The following INTS2 variants were observed in gnomAD, a reference collection of about 807,000 sequenced individuals.
INTS2 encodes KIAA1287.
INTS2 carries 57 observed loss-of-function variants against 139.6 expected under a neutral mutation model. The ratio of observed to expected loss-of-function variants is 0.41; its 90% CI spans 0.33 to 0.51. INTS2 has a LOEUF of 0.51. Among genes scored for constraint, INTS2 ranks in the 20% least tolerant of loss-of-function variants. The pLI is 0.28. For synonymous variants in INTS2, 473 were observed against 493.4 expected (o/e 0.96, Z 0.55); for missense variants, 1,196 against 1,436.7 (o/e 0.83, Z 2.71).
Position 61,893,961 on chromosome 17 carries a change from G to C in INTS2, c.1564-62C>G, listed in dbSNP as rs2079321956. ...CTAAATATAAAATTATTTTGAAAGAGAGATTAGTAAGTAGACTGTCAACAC... is the reference window on the plus strand; with the variant it reads ...CTAAATATAAAATTATTTTGAAAGACAGATTAGTAAGTAGACTGTCAACAC... On this transcript the variant is annotated intron_variant, in intron 12 of 24. Coordinates refer to ENST00000251334, the MANE Select transcript of INTS2 (RefSeq NM_001351695.2). The surrounding 1 kb of genome is among the most constrained non-coding windows in gnomAD (Gnocchi z 5.4). 1 of 1,188,958 alleles carries C rather than the reference G, an allele frequency of 8.4e-7. No homozygotes were observed. Among genetic ancestry groups the C allele is most frequent in the Admixed American group, 2.3e-5 (1 of 43,442 alleles). 73.7% of individuals were successfully genotyped at this position (1,188,958 alleles called of 1,614,324 possible). A position where few individuals can be genotyped will look rare whatever the true frequency, so the allele number is the denominator to read the frequency against.
chr17:61,894,306 A>C (rs1298637297), intron 12 of INTS2: 1 of 153,226 alleles, frequency 6.5e-6, no homozygotes, highest in Admixed American at 6.5e-5. Context: ...AAAACATCAT[A>C]TGAACTATAA....
intron 5 of INTS2, among the ~76,000 whole-genome samples, chr17:61,915,477 G>C (rs1008939383): frequency 6.6e-6 from 1 of 151,072 alleles, no homozygotes; most frequent in African/African-American, 2.4e-5. Flanking sequence ...AGTGCGCCGA[G>C]ATTGCGCCAC....
chr17:61,924,004 G>A (rs1201104567), intron 3 of INTS2, among the ~76,000 whole-genome samples: 1 of 152,110 alleles, frequency 6.6e-6, no homozygotes, highest in Non-Finnish European at 1.5e-5. Flanking sequence ...TTTAAATTCA[G>A]AGTTTCAATT....
intron 9 of INTS2, among the ~76,000 whole-genome samples, chr17:61,900,437 C>T (rs533096048): frequency 3.9e-5 from 6 of 152,266 alleles, no homozygotes; most frequent in Admixed American, 6.5e-5. Flanking sequence ...CCAGGTATAT[C>T]TGGAGCACCA....
chr17:61,907,468 A>G lies in INTS2; in HGVS notation c.1121T>C (p.Val374Ala). The G allele has an allele frequency of 6.2e-7, 1 of 1,603,456 alleles. No individual in the cohort carries two copies. The highest frequency in any genetic ancestry group is 1.3e-5 in the African/African-American group (1 of 74,910). Reference sequence around the variant, plus strand: ...ACGTAAGAGTGCACTGGCTTTCACAACATGCTCTTCTTTCAGCCCCGAATA... The same window carrying G: ...ACGTAAGAGTGCACTGGCTTTCACAGCATGCTCTTCTTTCAGCCCCGAATA... ...SVYSGLKEEH[V>A]VKASALLRLY... The change falls in exon 8 of 25, where the codon GTT becomes GCT. Residue 374 changes from valine to alanine, a missense_variant. Physicochemically the swap from Val to Ala is moderately conservative, Grantham distance 64. Coordinates refer to ENST00000251334, the MANE Select transcript of INTS2 (RefSeq NM_001351695.2).
rs1005339910 is a variant in INTS2 at position 61,870,087 on chromosome 17, A to G, written c.2779-99T>C. 1.9e-5 allele frequency: 22 copies of G among 1,167,148 alleles called. No homozygotes were observed. The highest frequency in any genetic ancestry group is 8.0e-5 in the Admixed American group (3 of 37,634). 72.3% of individuals were successfully genotyped at this position (1,167,148 alleles called of 1,614,324 possible). On this transcript the variant is annotated intron_variant, in intron 20 of 24. Coordinates refer to ENST00000251334, the MANE Select transcript of INTS2 (RefSeq NM_001351695.2). This position sits in a 1 kb window ranked among gnomAD's most constrained non-coding sequence, Gnocchi z 4.4. ...CATGAACAGATATGATAAAATAACT[A>G]ATTTCTTAAACACACATACACAAAG...
chr17:61,883,064 T>G (rs2079191746), intron 16 of INTS2, among the ~76,000 whole-genome samples: 1 of 152,168 alleles, frequency 6.6e-6, no homozygotes, highest in South Asian at 2.1e-4. Flanking sequence ...AACTTCTAAA[T>G]GCATACAGGA....
intron 3 of INTS2, 67 bp downstream of exon 3, chr17:61,924,894 C>G (rs2079692842): frequency 6.7e-7 from 1 of 1,486,694 alleles, no homozygotes; most frequent in Admixed American, 2.0e-5. Context: ...GTCTCTTTTT[C>G]TGTCTACCTC....
chr17:61,889,670 A>G (rs1208638350), intron 15 of INTS2, 116 bp downstream of exon 15: 1 of 579,092 alleles, frequency 1.7e-6, no homozygotes, highest in African/African-American at 1.9e-5. Context: ...AAGATTATAA[A>G]ATGATACTAG....
At chr17:61,896,289 A>G (rs2079348865) in intron 11 of INTS2, among the ~76,000 whole-genome samples, 1 of 151,790 alleles carries the variant, frequency 6.6e-6, no homozygotes, top group South Asian at 2.1e-4. Flanking sequence ...TAAAAATAAT[A>G]ATGATAATAA....
At position 61,909,489 on chromosome 17, in the gene INTS2, T is replaced by C. The variant is rs1371000196; in HGVS notation, c.955-1855A>G. 6.6e-6 allele frequency among the ~76,000 whole-genome samples: 1 copy of C among 152,152 alleles called. No individual in the cohort carries two copies. Among genetic ancestry groups the C allele is most frequent in the Admixed American group, 6.5e-5 (1 of 15,270 alleles). Reference sequence around the variant, plus strand: ...TCTATTGCATAGAAGTCTGGGCTGTTGGTGTAGTCATCACCCTGATAGTAT... The same window carrying C: ...TCTATTGCATAGAAGTCTGGGCTGTCGGTGTAGTCATCACCCTGATAGTAT... On this transcript the variant is annotated intron_variant, in intron 7 of 24. Coordinates refer to ENST00000251334, the MANE Select transcript of INTS2 (RefSeq NM_001351695.2). The surrounding 1 kb of genome is among the most constrained non-coding windows in gnomAD (Gnocchi z 4.9).
chr17:61,883,644 C>T (rs1457367797), intron 16 of INTS2, among the ~76,000 whole-genome samples: 5 of 150,676 alleles, frequency 3.3e-5, no homozygotes, highest in East Asian at 3.9e-4. Flanking sequence ...CCCAGCTACT[C>T]GGGAGGCTGA....
At position 61,870,203 on chromosome 17, in the gene INTS2, T is replaced by C. The variant is rs2079077933; in HGVS notation, c.2779-215A>G. ...AACCCCTTAAGAATCTAAAGAAAAC[T>C]ATGTACCCTCTCCCGATAAAAATTA... On this transcript the variant is annotated intron_variant, in intron 20 of 24. Transcript: ENST00000251334. The surrounding 1 kb of genome is among the most constrained non-coding windows in gnomAD (Gnocchi z 4.4). Among the ~76,000 whole-genome samples, 1 of 152,178 alleles carries C rather than the reference T, an allele frequency of 6.6e-6. No individual in the cohort carries two copies. Among genetic ancestry groups the C allele is most frequent in the South Asian group, 2.1e-4 (1 of 4,826 alleles).
At chr17:61,879,480 T>C (rs1007561479) in intron 17 of INTS2, among the ~76,000 whole-genome samples, 2 of 152,164 alleles carry the variant, frequency 1.3e-5, no homozygotes, top group Admixed American at 6.6e-5. Context: ...ACACAACAGA[T>C]TGCAAAGACT....
At chr17:61,883,939 T>G (rs868075767) in intron 16 of INTS2, among the ~76,000 whole-genome samples, 1 of 151,670 alleles carries the variant, frequency 6.6e-6, no homozygotes, top group Non-Finnish European at 1.5e-5. Flanking sequence ...GCCCAGGAGT[T>G]TGAGGCTGCA....
Position 61,868,737 on chromosome 17 carries a change from T to C in INTS2, c.3244+297A>G, listed in dbSNP as rs1233209846. ...CAATTACATTCTGAAAGTGTATTTG[T>C]TTTCCATTTATAAAATACAGAAAGC... On this transcript the variant is annotated intron_variant, in intron 23 of 24. Coordinates refer to ENST00000251334, the MANE Select transcript of INTS2 (RefSeq NM_001351695.2). This position sits in a 1 kb window ranked among gnomAD's most constrained non-coding sequence, Gnocchi z 4.7. Among the ~76,000 whole-genome samples the C allele has an allele frequency of 6.6e-6, 1 of 152,192 alleles. No homozygotes were observed. Among genetic ancestry groups the C allele is most frequent in the East Asian group, 1.9e-4 (1 of 5,206 alleles).
At chr17:61,880,476 G>A (rs963828890) in intron 17 of INTS2, among the ~76,000 whole-genome samples, 3 of 152,142 alleles carry the variant, frequency 2.0e-5, no homozygotes, top group Non-Finnish European at 2.9e-5. Context: ...TTCCTGGCCA[G>A]GCACAGTGGC....
intron 3 of INTS2, among the ~76,000 whole-genome samples, chr17:61,922,717 A>C (rs1338714336): frequency 6.6e-6 from 1 of 151,958 alleles, no homozygotes; most frequent in Non-Finnish European, 1.5e-5. Flanking sequence ...AAGGTCACTT[A>C]TTTATTAGAG....
rs1336198754 is a variant in INTS2, at chr17:61,926,581, C to T, written c.64G>A (p.Asp22Asn). Residue 22 changes from aspartate to asparagine, a missense_variant, in exon 2 of 25, where the codon GAT becomes AAT. Around this residue, in one of 3 missense-constraint regions of INTS2, gnomAD observed 36 missense variants for 30.1 expected, o/e 1.19. Transcript: ENST00000251334. Reference protein sequence around the residue: ...PFAFEAMQKVDVVCLASLSDP... With the variant: ...PFAFEAMQKVNVVCLASLSDP... ...CTTAAAGATGCCAGGCAAACAACAT[C>T]CACCTTCTGCATTGCCTCAAAAGCA... 1.2e-6 allele frequency: 2 copies of T among 1,612,888 alleles called. No homozygotes were observed. The highest frequency in any genetic ancestry group is 1.7e-6 in the Non-Finnish European group (2 of 1,179,344).
Sources: gnomAD v4.1 joint callset for allele counts (sites outside exome capture counted in the v4.1 genomes callset) on GRCh38, gnomAD v4.1.1 for gene constraint, gnomAD v4.1.1 regional missense constraint, Gnocchi (gnomAD v3.1) non-coding constraint, MANE v1.5 for transcripts, NCBI Gene and HGNC (gene_info 2026-07-23, HGNC 2026-07-21) for gene names.